CNTN6: variants seen among roughly 807,000 people sequenced by gnomAD.
CNTN6 encodes contactin-6.
A neutral mutation model predicts 122.8 loss-of-function variants in CNTN6; 137 were observed. The observed-to-expected ratio is 1.12, with a 90% CI of 0.97 to 1.29. The LOEUF (loss-of-function observed/expected upper bound fraction) is 1.29. Among genes scored for constraint, CNTN6 ranks in the 50% most tolerant of loss-of-function variants. CNTN6 has a pLI of 0.00. For missense variants in CNTN6, 1,634 were observed against 1,223.4 expected, an observed-to-expected ratio of 1.34 and a Z score of -5.01; for synonymous variants, 570 against 426.0, an observed-to-expected ratio of 1.34 and a Z score of -4.16.
At chr3:1,241,385 T>G (rs1032513073) in intron 4 of CNTN6, among the ~76,000 whole-genome samples, 1 of 151,902 alleles carries the variant, frequency 6.6e-6, no homozygotes, top group Non-Finnish European at 1.5e-5. Context: ...TGTGGGAACC[T>G]AGAGTGGGAG....
At chr3:1,122,808 T>G (rs188114924) in intron 1 of CNTN6, among the ~76,000 whole-genome samples, 17 of 152,030 alleles carry the variant, frequency 1.1e-4, no homozygotes, top group African/African-American at 3.6e-4. Flanking sequence ...TGAATAATAT[T>G]CCATTTTATG....
intron 22 of CNTN6, 63 bp downstream of exon 22, chr3:1,402,549 G>C (rs1695859090): frequency 2.1e-6 from 3 of 1,406,390 alleles, no homozygotes; most frequent in South Asian, 2.7e-5. Context: ...ATGAAATTCA[G>C]CTCCATGAAA....
chr3:1,107,404 T>C (rs1395089016), intron 1 of CNTN6, among the ~76,000 whole-genome samples: 1 of 152,168 alleles, frequency 6.6e-6, no homozygotes, highest in East Asian at 1.9e-4. Flanking sequence ...TGAATATTTA[T>C]TCATGGCAAA....
At position 1,143,839 on chromosome 3, in the gene CNTN6, G is replaced by A. The variant is rs2092667405; in HGVS notation, c.-82-4088G>A. ...AACATTTGCTATGAAATTATACACT[G>A]GATGGAATCAAACCATCTTAGAATA... On this transcript the variant is annotated intron_variant, in intron 1 of 22. Transcript: ENST00000446702. Among the ~76,000 whole-genome samples, 4 of 152,144 alleles carry A rather than the reference G, an allele frequency of 2.6e-5. No homozygotes were observed. In the South Asian group the frequency reaches 8.3e-4, roughly 31 times the overall value.
intron 1 of CNTN6, among the ~76,000 whole-genome samples, chr3:1,098,077 G>C (rs1263051152): frequency 7.3e-6 from 1 of 136,712 alleles, no homozygotes; most frequent in African/African-American, 3.0e-5. Context: ...ACATGATCAA[G>C]AAAAAGGGTA....
At chr3:1,273,728 T>C (rs1216552918) in intron 4 of CNTN6, among the ~76,000 whole-genome samples, 2 of 152,240 alleles carry the variant, frequency 1.3e-5, no homozygotes, top group East Asian at 1.9e-4. Context: ...AGGACTTGTG[T>C]GACTTTTGAG....
At chr3:1,378,964 ATTGT>A (rs1031275616) in intron 17 of CNTN6, among the ~76,000 whole-genome samples, 1 of 152,136 alleles carries the variant, frequency 6.6e-6, no homozygotes, top group African/African-American at 2.4e-5. Context: ...CTACAAGAGA[ATTGT>A]TTGTGAGTAG....
intron 2 of CNTN6, among the ~76,000 whole-genome samples, chr3:1,180,838 T>C (rs1001611120): frequency 6.6e-6 from 1 of 152,230 alleles, no homozygotes; most frequent in African/African-American, 2.4e-5. Context: ...GCCTCCCTCA[T>C]TTGTGAGAGT....
intron 1 of CNTN6, among the ~76,000 whole-genome samples, chr3:1,120,093 G>A (rs1377058291): frequency 6.6e-6 from 1 of 151,656 alleles, no homozygotes; most frequent in East Asian, 1.9e-4. Context: ...TATTCCATAT[G>A]CCACAATTTG....
At chr3:1,155,116 C>G (rs1462479074) in intron 2 of CNTN6, among the ~76,000 whole-genome samples, 1 of 152,146 alleles carries the variant, frequency 6.6e-6, no homozygotes, top group Non-Finnish European at 1.5e-5. Flanking sequence ...GTCCTAGTCA[C>G]TCTTGTCAAC....
Position 1,372,282 on chromosome 3 carries a change from ATT to A in CNTN6, c.1493-10_1493-9del. ...AGCATTTCATAAGCTTTAAAAAATA[ATT>A]TTTTTTCTCAACAGAGAGAACTGTC... On this transcript the variant is annotated splice_polypyrimidine_tract_variant and intron_variant, in intron 12 of 22. Transcript: ENST00000446702. The A allele has an allele frequency of 6.4e-7, 1 of 1,571,742 alleles. No homozygotes were observed. Among genetic ancestry groups the A allele is most frequent in the Non-Finnish European group, 8.6e-7 (1 of 1,160,872 alleles).
In CNTN6 at chr3:1,109,417, A is replaced by T. The variant is rs573788402; in HGVS notation, c.-83+16297A>T. On this transcript the variant is annotated intron_variant, in intron 1 of 22. Coordinates refer to ENST00000446702, the MANE Select transcript of CNTN6 (RefSeq NM_001289080.2). ...TCTTGTTTACAATTTACCAAGGCAAAAAAGAAACACTTTTAAAATGTCAAA... is the reference window on the plus strand; with the variant it reads ...TCTTGTTTACAATTTACCAAGGCAATAAAGAAACACTTTTAAAATGTCAAA... 3.9e-5 allele frequency among the ~76,000 whole-genome samples: 6 copies of T among 152,190 alleles called. No homozygotes were observed. The South Asian group carries it at 1.2e-3, about 32-fold the overall frequency.
chr3:1,373,479 G>C, intron 14 of CNTN6, 125 bp from the exon 15 acceptor site: 1 of 807,242 alleles, frequency 1.2e-6, no homozygotes, highest in South Asian at 2.0e-5. Flanking sequence ...CTAATAATGT[G>C]CTATAAATAC....
Position 1,181,626 on chromosome 3 carries a change from A to G in CNTN6, c.55+33563A>G, listed in dbSNP as rs564756712. Among the ~76,000 whole-genome samples, 15 of 152,210 alleles carry G rather than the reference A, an allele frequency of 9.9e-5. No individual in the cohort carries two copies. The South Asian group carries it at 3.1e-3, about 32-fold the overall frequency. ...CTTGTGTGTATGTGTGTCTCCAGGT[A>G]TTACATTTATGCAGTTTTCAGTTGG... On this transcript the variant is annotated intron_variant, in intron 2 of 22. Coordinates refer to ENST00000446702, the MANE Select transcript of CNTN6 (RefSeq NM_001289080.2).
intron 1 of CNTN6, among the ~76,000 whole-genome samples, chr3:1,129,986 G>A (rs7617998): frequency 0.37 from 55,879 of 151,834 alleles, 10,797 homozygotes; most frequent in East Asian, 0.46. Flanking sequence ...TATTTTTAAT[G>A]TTGAGTTTAA....
At chr3:1,252,168 C>A (rs1446056836) in intron 4 of CNTN6, among the ~76,000 whole-genome samples, 1 of 152,130 alleles carries the variant, frequency 6.6e-6, no homozygotes, top group Non-Finnish European at 1.5e-5. Flanking sequence ...TTAAACATTG[C>A]CTAGCTTGCC....
intron 4 of CNTN6, among the ~76,000 whole-genome samples, chr3:1,233,454 A>T (rs138933935): frequency 6.6e-6 from 1 of 152,046 alleles, no homozygotes; most frequent in Non-Finnish European, 1.5e-5. Flanking sequence ...TGTAGTTTGA[A>T]GCCAGGCGCG....
chr3:1,183,462 ATTAG>A (rs2093586881), intron 2 of CNTN6, among the ~76,000 whole-genome samples: 1 of 151,384 alleles, frequency 6.6e-6, no homozygotes, highest in Non-Finnish European at 1.5e-5. Context: ...TTTTTTCAGT[ATTAG>A]TTAAGTACCA....
intron 4 of CNTN6, among the ~76,000 whole-genome samples, chr3:1,232,522 C>A (rs142164486): frequency 3.3e-5 from 5 of 152,312 alleles, no homozygotes; most frequent in African/African-American, 1.2e-4. Context: ...AGGCATTGTT[C>A]CAAACTCTTT....
Sources: allele counts gnomAD v4.1 joint callset (sites outside exome capture counted in the v4.1 genomes callset), GRCh38; gene constraint gnomAD v4.1.1; transcripts MANE v1.5; gene names NCBI Gene and HGNC (gene_info 2026-07-23, HGNC 2026-07-21).